Variants in COPE observed in about 807,000 individuals in gnomAD.
COPE encodes coatomer subunit epsilon.
Under a neutral mutation model 42.1 loss-of-function variants are expected in COPE, and 19 were observed. The observed-to-expected ratio is 0.45, with a 90% CI of 0.31 to 0.66. The LOEUF is 0.66. Among genes scored for constraint, COPE ranks in the 30% least tolerant of loss-of-function variants. The probability of loss-of-function intolerance (pLI) is 0.05; values close to 1 mark genes in which losing one functional copy is unlikely to be tolerated. For synonymous variants in COPE, 195 were observed against 181.3 expected (o/e 1.08, Z -0.60); for missense variants, 402 against 416.1 (o/e 0.97, Z 0.30).
At chr19:18,902,179 C>CAA (rs34747007) in intron 7 of COPE, among the ~76,000 whole-genome samples, 20,636 of 107,798 alleles carry the variant, frequency 0.19, 2,865 homozygotes, top group African/African-American at 0.41. Flanking sequence ...GACTCCATCT[C>CAA]AAAAAAAAAA....
In COPE at chr19:18,912,876, C is replaced by T. The variant is rs1285892623; in HGVS notation, c.189+108G>A. ...TCACTGAACACTGCAGGCCTGGGTC[C>T]CTGCTTTGTTTACTGTCCCCGCCAC... On this transcript the variant is annotated intron_variant, in intron 2 of 9. Coordinates refer to ENST00000262812, the MANE Select transcript of COPE (RefSeq NM_007263.4). 4.7e-6 allele frequency: 5 copies of T among 1,056,006 alleles called. No individual in the cohort carries two copies. In the Admixed American group the frequency reaches 9.5e-5, roughly 20 times the overall value. 65.4% of individuals were successfully genotyped at this position (1,056,006 alleles called of 1,614,324 possible). A position where few individuals can be genotyped will look rare whatever the true frequency, so the allele number is the denominator to read the frequency against.
intron 7 of COPE, 67 bp from the exon 8 acceptor site, chr19:18,900,516 C>A: frequency 7.7e-7 from 1 of 1,290,674 alleles, no homozygotes; most frequent in Non-Finnish European, 1.1e-6. Flanking sequence ...GCCCGTCACC[C>A]CCACCTCAGG....
intron 5 of COPE, 127 bp from the exon 6 acceptor site, chr19:18,904,979 C>T (rs962711954): frequency 5.5e-6 from 5 of 912,526 alleles, no homozygotes; most frequent in South Asian, 1.6e-5. Flanking sequence ...CCACTGCATG[C>T]TCATACCCCA....
rs542391344 is a variant in COPE at position 18,914,035 on chromosome 19, A to G, written c.127-989T>C. On this transcript the variant is annotated intron_variant, in intron 1 of 9. Transcript: ENST00000262812. ...CGCAGACCTGGCCCCAGCCTGACTC[A>G]GGCTGCCATTGCCAAGAGGACCCAG... 2.6e-5 allele frequency among the ~76,000 whole-genome samples: 4 copies of G among 152,272 alleles called. No individual in the cohort carries two copies. In the South Asian group the frequency reaches 8.3e-4, roughly 32 times the overall value.
chr19:18,905,743 G>A (rs1432910686), intron 4 of COPE, 114 bp from the exon 5 acceptor site: 2 of 1,076,756 alleles, frequency 1.9e-6, no homozygotes, highest in East Asian at 5.7e-5. Context: ...CTGTGCTTAG[G>A]ACCACCAGCC....
At chr19:18,906,817 C>G (rs2056763812) in intron 4 of COPE, 143 bp downstream of exon 4, 1 of 987,984 alleles carries the variant, frequency 1.0e-6, no homozygotes, top group Non-Finnish European at 1.4e-6. Context: ...GGAGCTGGAG[C>G]CTGGACAGCA....
intron 6 of COPE, among the ~76,000 whole-genome samples, chr19:18,903,909 C>T (rs560533993): frequency 1.6e-4 from 24 of 152,358 alleles, no homozygotes; most frequent in Admixed American, 1.2e-3. Flanking sequence ...CCATACTAGA[C>T]GGTCACTGGA....
chr19:18,906,894 A>T (rs2056764829), intron 4 of COPE, 66 bp downstream of exon 4: 14 of 1,483,226 alleles, frequency 9.4e-6, no homozygotes, highest in Non-Finnish European at 9.0e-7. Flanking sequence ...GGCCGTGCGC[A>T]GCCTGGAGAT....
At chr19:18,904,200 C>T (rs762838010) in intron 6 of COPE, among the ~76,000 whole-genome samples, 1 of 152,226 alleles carries the variant, frequency 6.6e-6, no homozygotes, top group African/African-American at 2.4e-5. Context: ...CCCAACCTCA[C>T]ATGATCCACC....
chr19:18,917,364 ATTTCTTT>A (rs2056863723), intron 1 of COPE, among the ~76,000 whole-genome samples: 1 of 149,588 alleles, frequency 6.7e-6, no homozygotes, highest in African/African-American at 2.5e-5. Flanking sequence ...TTTTAAGGAA[ATTTCTTT>A]TTTCTTTTTT....
At chr19:18,919,087 C>T (rs2056886629) in intron 1 of COPE, 136 bp downstream of exon 1, 1 of 834,670 alleles carries the variant, frequency 1.2e-6, no homozygotes, top group Non-Finnish European at 1.9e-6. Context: ...CTACTCCTCA[C>T]TGAACTGTGG....
intron 3 of COPE, among the ~76,000 whole-genome samples, chr19:18,909,621 C>T (rs747645071): frequency 1.3e-5 from 2 of 151,608 alleles, no homozygotes; most frequent in African/African-American, 2.4e-5. Context: ...CAGGTTCAAG[C>T]GATTCTCCTG....
chr19:18,914,808 T>C (rs896239649), intron 1 of COPE, among the ~76,000 whole-genome samples: 1 of 143,336 alleles, frequency 7.0e-6, no homozygotes, highest in Admixed American at 7.4e-5. Context: ...CAGGTTGGAG[T>C]GCAGTGGCGT....
intron 1 of COPE, among the ~76,000 whole-genome samples, chr19:18,917,885 G>A (rs2145088794): frequency 6.6e-6 from 1 of 152,036 alleles, no homozygotes; most frequent in South Asian, 2.1e-4. Flanking sequence ...GGGTATGCCT[G>A]CAGCTGCAGA....
At chr19:18,915,229 A>G (rs1174296854) in intron 1 of COPE, among the ~76,000 whole-genome samples, 1 of 152,066 alleles carries the variant, frequency 6.6e-6, no homozygotes, top group East Asian at 1.9e-4. Flanking sequence ...GGGAAAAAAA[A>G]GAGACAAAAG....
At chr19:18,918,473 TTG>T (rs1341358312) in intron 1 of COPE, among the ~76,000 whole-genome samples, 1 of 152,034 alleles carries the variant, frequency 6.6e-6, no homozygotes, top group Non-Finnish European at 1.5e-5. Flanking sequence ...TCTTACAACT[TTG>T]TCACCCAGGC....
intron 1 of COPE, among the ~76,000 whole-genome samples, chr19:18,917,241 C>CTTTTTTTTTTT (rs531312180): frequency 3.9e-3 from 426 of 110,376 alleles, no homozygotes; most frequent in Middle Eastern, 0.011. Context: ...TTCTTTTTTT[C>CTTTTTTTTTTT]TTTTTTTTTT....
Position 18,899,742 on chromosome 19 carries a change from T to G in COPE, c.880-16A>C. 1 of 1,613,530 alleles carries G rather than the reference T, an allele frequency of 6.2e-7. No homozygotes were observed. Among genetic ancestry groups the G allele is most frequent in the Non-Finnish European group, 8.5e-7 (1 of 1,179,888 alleles). On this transcript the variant is annotated splice_polypyrimidine_tract_variant and intron_variant, in intron 9 of 9. Transcript: ENST00000262812. ...AGTCGTTCTCCTTTAGCAAGACACA[T>G]GGCAACACAGGGTGGGGGCAGGGTG...
At chr19:18,906,604 G>A in intron 4 of COPE, 1 of 206,422 alleles carries the variant, frequency 4.8e-6, no homozygotes, top group Non-Finnish European at 9.7e-6. Flanking sequence ...AGGAGGGCCG[G>A]TATGGGGGGC....
Sources: allele counts gnomAD v4.1 joint callset (sites outside exome capture counted in the v4.1 genomes callset), GRCh38; gene constraint gnomAD v4.1.1; transcripts MANE v1.5; gene names NCBI Gene and HGNC (gene_info 2026-07-23, HGNC 2026-07-21).